The following ZNF462 variants were observed in gnomAD, a reference collection of about 807,000 sequenced individuals.
ZNF462 encodes zinc finger PBX1-interacting protein.
In ZNF462, 10 loss-of-function variants were observed where a neutral mutation model predicts 201.9. The observed-to-expected ratio is 0.05, with a 90% CI of 0.03 to 0.08. The LOEUF is 0.08. Among genes scored for constraint, ZNF462 ranks in the 10% least tolerant of loss-of-function variants. ZNF462 has a pLI of 1.00. For synonymous variants in ZNF462, 1,227 were observed against 1,193.3 expected, an observed-to-expected ratio of 1.03 and a Z score of -0.58; for missense variants, 2,523 against 3,168.3, an observed-to-expected ratio of 0.80 and a Z score of 4.89.
rs571741997 is a variant in ZNF462, at chr9:106,910,533, C to A, written c.-30-12821C>A. Among the ~76,000 whole-genome samples, 6 of 152,144 alleles carry A rather than the reference C, an allele frequency of 3.9e-5. No individual in the cohort carries two copies. The East Asian group carries it at 1.2e-3, about 29-fold the overall frequency. On this transcript the variant is annotated intron_variant, in intron 1 of 12. Transcript: ENST00000277225. ...GTTTGTGTCTTGATGGCTTGACTTG[C>A]TTCAGTAGTCCTTCAGCAGTTTAAA...
chr9:106,954,881 T>C lies in ZNF462; in HGVS notation c.6427+15774T>C, dbSNP rs1207487824. On this transcript the variant is annotated intron_variant, in intron 7 of 12. Transcript: ENST00000277225. The surrounding 1 kb of genome is among the most constrained non-coding windows in gnomAD (Gnocchi z 4.0). ...CTCTTTAGGAGCAGGGTTTTTGTTA[T>C]TTTTTTATTCTGAACAATGAATATA... 6.6e-6 allele frequency among the ~76,000 whole-genome samples: 1 copy of C among 152,122 alleles called. No individual in the cohort carries two copies. The highest frequency in any genetic ancestry group is 1.5e-5 in the Non-Finnish European group (1 of 68,016).
chr9:106,961,140 C>CATG (rs1831820108), intron 7 of ZNF462, among the ~76,000 whole-genome samples: 1 of 151,998 alleles, frequency 6.6e-6, no homozygotes, highest in Non-Finnish European at 1.5e-5. Flanking sequence ...CCCATTACAC[C>CATG]TGAGCATCTC....
In ZNF462 at chr9:106,928,154, G is replaced by A; in HGVS notation, c.4242G>A (p.Glu1414=). 1 of 1,614,218 alleles carries A rather than the reference G, an allele frequency of 6.2e-7. No individual in the cohort carries two copies. The highest frequency in any genetic ancestry group is 8.5e-7 in the Non-Finnish European group (1 of 1,180,046). Residue 1414 remains glutamate (E), a synonymous_variant, in exon 3 of 13, where the codon GAG becomes GAA. Transcript: ENST00000277225. This position sits in a 1 kb window ranked among gnomAD's most constrained non-coding sequence, Gnocchi z 9.3. ...TCATCAAGGAGAAAGATGCTGTGGA[G>A]AAGCCCATTCTTTCATCCGAAGAGT... ...LDIIKEKDAV[E]KPILSSEELA...
intron 7 of ZNF462, among the ~76,000 whole-genome samples, chr9:106,939,964 G>A (rs1043034891): frequency 6.6e-6 from 1 of 152,128 alleles, no homozygotes; most frequent in South Asian, 2.1e-4. Context: ...TCCCTTCTGC[G>A]GGAGCCAGTT....
intron 10 of ZNF462, among the ~76,000 whole-genome samples, chr9:106,986,646 A>G (rs1827854558): frequency 6.6e-6 from 1 of 152,098 alleles, no homozygotes; most frequent in Admixed American, 6.6e-5. Context: ...GAGTATTGCG[A>G]TACAAGTGGC....
Position 106,933,035 on chromosome 9 carries a change from A to G in ZNF462, c.6116+486A>G. ...GATGCCAAAGAGTTGCTTGACATAC[A>G]GGGAGATTGAGGAGAGGGAGCTTCC... On this transcript the variant is annotated intron_variant, in intron 5 of 12. Coordinates refer to ENST00000277225, the MANE Select transcript of ZNF462 (RefSeq NM_021224.6). The surrounding 1 kb of genome is among the most constrained non-coding windows in gnomAD (Gnocchi z 4.3). 5.3e-6 allele frequency: 1 copy of G among 187,394 alleles called. No homozygotes were observed. Among genetic ancestry groups the G allele is most frequent in the South Asian group, 9.9e-5 (1 of 10,062 alleles). 11.6% of individuals were successfully genotyped at this position (187,394 alleles called of 1,614,324 possible). A position where few individuals can be genotyped will look rare whatever the true frequency, so the allele number is the denominator to read the frequency against.
chr9:106,885,497 T>C lies in ZNF462; in HGVS notation c.-31+22142T>C, dbSNP rs903336846. Among the ~76,000 whole-genome samples, 1 of 152,208 alleles carries C rather than the reference T, an allele frequency of 6.6e-6. No homozygotes were observed. Among genetic ancestry groups the C allele is most frequent in the African/African-American group, 2.4e-5 (1 of 41,460 alleles). On this transcript the variant is annotated intron_variant, in intron 1 of 12. Coordinates refer to ENST00000277225, the MANE Select transcript of ZNF462 (RefSeq NM_021224.6). The surrounding 1 kb of genome is among the most constrained non-coding windows in gnomAD (Gnocchi z 4.1). Reference sequence around the variant, plus strand: ...CTTAGAAGGTTCAAGAAAGGGAGTATAGTCTCTTTAAAGTTATTTTGAGGA... The same window carrying C: ...CTTAGAAGGTTCAAGAAAGGGAGTACAGTCTCTTTAAAGTTATTTTGAGGA...
Position 106,926,127 on chromosome 9 carries a change from G to T in ZNF462, c.2215G>T (p.Asp739Tyr). ...CGAAGTCGAGATAGAGGTTGAGTTG[G>T]ACAGGGAGGAAGAACCGACAGAACC... ...DNEVEIEVEL[D>Y]REEEPTEPII... Residue 739 changes from aspartate to tyrosine, a missense_variant, in exon 3 of 13, where the codon GAC becomes TAC. Physicochemically the swap from Asp to Tyr is radical, Grantham distance 160. Coordinates refer to ENST00000277225, the MANE Select transcript of ZNF462 (RefSeq NM_021224.6). The surrounding 1 kb of genome is among the most constrained non-coding windows in gnomAD (Gnocchi z 7.9). The T allele has an allele frequency of 2.5e-6, 4 of 1,614,216 alleles. No individual in the cohort carries two copies. The highest frequency in any genetic ancestry group is 3.4e-6 in the Non-Finnish European group (4 of 1,180,042).
chr9:106,881,599 T>A (rs7858917), intron 1 of ZNF462, among the ~76,000 whole-genome samples: 48,135 of 152,106 alleles, frequency 0.32, 8,080 homozygotes, highest in African/African-American at 0.43. Context: ...TTAAACACTT[T>A]CTATAGGTAG....
rs903201422 is a variant in ZNF462, at chr9:107,012,659, G to C, written c.*1629G>C. On this transcript the variant is annotated 3_prime_UTR_variant, in exon 13 of 13. Transcript: ENST00000277225. ...TGTGTGTGCTTGGATGTGTGTGTGC[G>C]TGTATGAGTGTGTGTGTGCATGTGT... The C allele has an allele frequency of 6.8e-6, 1 of 147,328 alleles. No individual in the cohort carries two copies. Among genetic ancestry groups the C allele is most frequent in the Non-Finnish European group, 1.5e-5 (1 of 67,182 alleles). The allele number at this position is 147,328 out of a possible 1,614,324, so 9.1% of individuals were successfully genotyped here. A position where few individuals can be genotyped will look rare whatever the true frequency, so the allele number is the denominator to read the frequency against.
chr9:106,909,999 T>A (rs1192711454), intron 1 of ZNF462, among the ~76,000 whole-genome samples: 1 of 152,224 alleles, frequency 6.6e-6, no homozygotes, highest in Non-Finnish European at 1.5e-5. Flanking sequence ...CCTTCTTATC[T>A]GTCATCTTCT....
At chr9:106,964,455 A>G (rs912824807) in intron 7 of ZNF462, among the ~76,000 whole-genome samples, 1 of 152,076 alleles carries the variant, frequency 6.6e-6, no homozygotes, top group South Asian at 2.1e-4. Flanking sequence ...GGTAAAGCCT[A>G]TGTATTTGAA....
rs1476609600 is a variant in ZNF462, at chr9:107,012,184, G to A, written c.*1154G>A. On this transcript the variant is annotated 3_prime_UTR_variant, in exon 13 of 13. Transcript: ENST00000277225. ...CAGCTATGCAGCTTGTGGGCCAGAC[G>A]AGGAGGTCCTCCTCACCCTTTTGTT... The A allele has an allele frequency of 6.8e-6, 1 of 146,934 alleles. No homozygotes were observed. The highest frequency in any genetic ancestry group is 2.0e-4 in the East Asian group (1 of 4,882). The allele number at this position is 146,934 out of a possible 1,614,324, so 9.1% of individuals were successfully genotyped here.
intron 10 of ZNF462, among the ~76,000 whole-genome samples, chr9:106,994,248 T>G (rs190481604): frequency 2.4e-4 from 36 of 152,264 alleles, no homozygotes; most frequent in Admixed American, 2.2e-3. Flanking sequence ...AACTCATATC[T>G]TACTTTTTGC....
chr9:107,000,662 T>G (rs996652173), intron 10 of ZNF462, among the ~76,000 whole-genome samples: 12 of 152,176 alleles, frequency 7.9e-5, no homozygotes, highest in African/African-American at 2.9e-4. Context: ...CAGGACCAAA[T>G]AAATCCTGGG....
chr9:106,928,823 G>T lies in ZNF462; in HGVS notation c.4911G>T (p.Glu1637Asp). ...CTTCCCAAGTCTCCATCACTGAGGAGGAGGTGGGAGAGGAGCCCGTGTCCA... is the reference window on the plus strand; with the variant it reads ...CTTCCCAAGTCTCCATCACTGAGGATGAGGTGGGAGAGGAGCCCGTGTCCA... Reference protein sequence around the residue: ...VSPSQVSITEEEVGEEPVSTS... With the variant: ...VSPSQVSITEDEVGEEPVSTS... The change falls in exon 3 of 13, where the codon GAG becomes GAT. Residue 1637 changes from glutamate (E) to aspartate (D), a missense_variant. Around this residue, in one of 15 missense-constraint regions of ZNF462, gnomAD observed 200 missense variants for 281.3 expected, o/e 0.71. Coordinates refer to ENST00000277225, the MANE Select transcript of ZNF462 (RefSeq NM_021224.6). This position sits in a 1 kb window ranked among gnomAD's most constrained non-coding sequence, Gnocchi z 9.3. 6.2e-7 allele frequency: 1 copy of T among 1,614,138 alleles called. No individual in the cohort carries two copies. The highest frequency in any genetic ancestry group is 8.5e-7 in the Non-Finnish European group (1 of 1,180,028).
intron 10 of ZNF462, among the ~76,000 whole-genome samples, chr9:106,990,166 T>C (rs1464486300): frequency 1.3e-5 from 2 of 152,134 alleles, no homozygotes; most frequent in African/African-American, 2.4e-5. Context: ...CATCTTGATA[T>C]CATTTTTGAC....
chr9:106,988,607 A>G (rs1828029331), intron 10 of ZNF462, among the ~76,000 whole-genome samples: 2 of 152,068 alleles, frequency 1.3e-5, no homozygotes, highest in South Asian at 4.1e-4. Context: ...AGATTGCATT[A>G]AATTTGTAGA....
chr9:106,952,126 C>T lies in ZNF462; in HGVS notation c.6427+13019C>T, dbSNP rs574217591. Reference sequence around the variant, plus strand: ...CTTGAAAGCTGCTGCAGGCTCAAGTCCAGGAAGTACCATTCACATTGTTGT... The same window carrying T: ...CTTGAAAGCTGCTGCAGGCTCAAGTTCAGGAAGTACCATTCACATTGTTGT... On this transcript the variant is annotated intron_variant, in intron 7 of 12. Coordinates refer to ENST00000277225, the MANE Select transcript of ZNF462 (RefSeq NM_021224.6). Among the ~76,000 whole-genome samples the T allele has an allele frequency of 5.3e-5, 8 of 152,206 alleles. 1 individual carries two copies. Among genetic ancestry groups the T allele is most frequent in the African/African-American group, 1.9e-4 (8 of 41,532 alleles).
Sources: gnomAD v4.1 joint callset for allele counts (sites outside exome capture counted in the v4.1 genomes callset) on GRCh38, gnomAD v4.1.1 for gene constraint, gnomAD v4.1.1 regional missense constraint, Gnocchi (gnomAD v3.1) non-coding constraint, MANE v1.5 for transcripts, NCBI Gene and HGNC (gene_info 2026-07-23, HGNC 2026-07-21) for gene names.